Variants in ERBIN observed in about 807,000 individuals in gnomAD.
ERBIN encodes densin-180-like protein.
A neutral mutation model predicts 158.4 loss-of-function variants in ERBIN; 60 were observed. The observed-to-expected ratio is 0.38, with a 90% CI of 0.31 to 0.47. The LOEUF (loss-of-function observed/expected upper bound fraction) is 0.47, where lower values mean the gene tolerates loss of function less well. ERBIN is among the 20% of genes least tolerant of loss of function. ERBIN has a pLI of 0.99. For synonymous variants in ERBIN, 594 were observed against 557.2 expected, an observed-to-expected ratio of 1.07 and a Z score of -0.93; for missense variants, 1,610 against 1,648.0, an observed-to-expected ratio of 0.98 and a Z score of 0.40.
intron 4 of ERBIN, among the ~76,000 whole-genome samples, chr5:66,008,956 G>T (rs917867475): frequency 1.3e-5 from 2 of 152,046 alleles, no homozygotes; most frequent in African/African-American, 4.8e-5. Context: ...TCCAGTCTTA[G>T]GTATTTACCC....
chr5:65,944,798 A>G (rs1370270821), intron 1 of ERBIN, among the ~76,000 whole-genome samples: 2 of 152,164 alleles, frequency 1.3e-5, no homozygotes, highest in South Asian at 2.1e-4. Flanking sequence ...AGAAATGACT[A>G]TTCAAGTTCT....
chr5:66,017,007 G>T (rs1054157103), intron 7 of ERBIN, among the ~76,000 whole-genome samples: 8 of 151,822 alleles, frequency 5.3e-5, no homozygotes, highest in Non-Finnish European at 4.4e-5. Flanking sequence ...ATGACCTCCT[G>T]ATCAACCCAT....
intron 4 of ERBIN, among the ~76,000 whole-genome samples, chr5:66,004,229 A>T (rs1258387680): frequency 6.6e-6 from 1 of 151,874 alleles, no homozygotes; most frequent in Non-Finnish European, 1.5e-5. Context: ...TACAGGCGTG[A>T]GCCACCATGC....
chr5:65,940,691 G>T (rs1412411127), intron 1 of ERBIN, among the ~76,000 whole-genome samples: 1 of 144,848 alleles, frequency 6.9e-6, no homozygotes, highest in African/African-American at 2.7e-5. Flanking sequence ...CGGGAGGGAG[G>T]TGGGGGGGTC....
intron 1 of ERBIN, among the ~76,000 whole-genome samples, chr5:65,934,269 C>A (rs1247520790): frequency 6.6e-6 from 1 of 152,130 alleles, no homozygotes; most frequent in Non-Finnish European, 1.5e-5. Flanking sequence ...ACATCATTAC[C>A]ATCAAAATCA....
chr5:66,072,431 A>G (rs1761614376), intron 22 of ERBIN, 140 bp downstream of exon 22: 1 of 819,346 alleles, frequency 1.2e-6, no homozygotes, highest in East Asian at 2.9e-5. Flanking sequence ...TTTTTAAAAT[A>G]TCAGAAATAC....
At chr5:65,979,926 C>G (rs1051944068) in intron 1 of ERBIN, among the ~76,000 whole-genome samples, 1 of 152,064 alleles carries the variant, frequency 6.6e-6, no homozygotes, top group African/African-American at 2.4e-5. Context: ...TACACATACT[C>G]TTTTATAGTA....
At position 66,024,176 on chromosome 5, in the gene ERBIN, T is replaced by C. The variant is rs1188533155; in HGVS notation, c.673-130T>C. 10 of 603,582 alleles carry C rather than the reference T, an allele frequency of 1.7e-5. No homozygotes were observed. In the East Asian group the frequency reaches 3.1e-4, roughly 18 times the overall value. The allele number at this position is 603,582 out of a possible 1,614,324, so 37.4% of individuals were successfully genotyped here. On this transcript the variant is annotated intron_variant, in intron 9 of 25. Coordinates refer to ENST00000284037, the MANE Select transcript of ERBIN (RefSeq NM_001253697.2). ...ACATTTCTAATGGCATTTAAAAAAC[T>C]ACCTGGGAGTCTTCTTTCTTGTATT... is the stretch of plus-strand genomic sequence containing the variant.
intron 21 of ERBIN, among the ~76,000 whole-genome samples, chr5:66,066,395 G>C (rs903866539): frequency 2.6e-5 from 4 of 152,088 alleles, no homozygotes; most frequent in African/African-American, 9.6e-5. Flanking sequence ...CCTACCTCAT[G>C]AGGTCAGTTC....
At chr5:65,939,638 G>C (rs545402155) in intron 1 of ERBIN, among the ~76,000 whole-genome samples, 1 of 152,132 alleles carries the variant, frequency 6.6e-6, no homozygotes, top group Admixed American at 6.5e-5. Flanking sequence ...GCTCACTGCA[G>C]CCTCCCTGCC....
intron 1 of ERBIN, among the ~76,000 whole-genome samples, chr5:65,976,520 CT>C (rs778638629): frequency 0.055 from 7,590 of 137,846 alleles, 595 homozygotes; most frequent in African/African-American, 0.18. Flanking sequence ...TTTCTTTTTT[CT>C]TTTTTTTTTT....
chr5:66,013,913 A>G (rs1754456989), intron 6 of ERBIN, among the ~76,000 whole-genome samples: 1 of 152,148 alleles, frequency 6.6e-6, no homozygotes, highest in Non-Finnish European at 1.5e-5. Context: ...GAGATACTGA[A>G]TGCTATATTC....
chr5:66,065,590 CCTGTGTGTGTGTGT>C (rs1760892276), intron 21 of ERBIN, among the ~76,000 whole-genome samples: 3 of 109,484 alleles, frequency 2.7e-5, no homozygotes, highest in South Asian at 6.4e-4. Context: ...TTAATTTTGA[CCTGTGTGTGTGTGT>C]GTGTGTGTGT....
chr5:66,077,482 A>C (rs1304344690), intron 25 of ERBIN, among the ~76,000 whole-genome samples: 2 of 103,308 alleles, frequency 1.9e-5, no homozygotes, highest in African/African-American at 6.4e-5. Context: ...TCCTCAAACC[A>C]AAAAAAAAGG....
intron 1 of ERBIN, among the ~76,000 whole-genome samples, chr5:65,963,590 C>T (rs911622109): frequency 2.0e-5 from 3 of 151,938 alleles, no homozygotes; most frequent in Non-Finnish European, 2.9e-5. Flanking sequence ...AAGAGCGAAA[C>T]TCCATCTCAA....
At chr5:65,946,336 C>T (rs1745742716) in intron 1 of ERBIN, among the ~76,000 whole-genome samples, 1 of 152,028 alleles carries the variant, frequency 6.6e-6, no homozygotes, top group African/African-American at 2.4e-5. Context: ...TGCACTCCAG[C>T]CTGGGTGACA....
At chr5:66,064,754 T>G (rs947198604) in intron 21 of ERBIN, among the ~76,000 whole-genome samples, 3 of 152,172 alleles carry the variant, frequency 2.0e-5, no homozygotes, top group Non-Finnish European at 2.9e-5. Flanking sequence ...GTGATGAGTC[T>G]GAAAAACACT....
At chr5:65,962,688 C>T (rs1013176267) in intron 1 of ERBIN, among the ~76,000 whole-genome samples, 1 of 152,134 alleles carries the variant, frequency 6.6e-6, no homozygotes, top group Non-Finnish European at 1.5e-5. Context: ...ACATAAGGCT[C>T]ATCCTGAGGT....
At chr5:66,015,547 G>C (rs1754626540) in intron 7 of ERBIN, among the ~76,000 whole-genome samples, 1 of 152,074 alleles carries the variant, frequency 6.6e-6, no homozygotes, top group South Asian at 2.1e-4. Context: ...AAATTTTTTA[G>C]GTGTACAGGA....
Sources: gnomAD v4.1 joint callset for allele counts (sites outside exome capture counted in the v4.1 genomes callset) on GRCh38, gnomAD v4.1.1 for gene constraint, MANE v1.5 for transcripts, NCBI Gene and HGNC (gene_info 2026-07-23, HGNC 2026-07-21) for gene names.